SPPL3: variants seen among roughly 807,000 people sequenced by gnomAD.
SPPL3 encodes signal peptide peptidase like 3.
A neutral mutation model predicts 42.4 loss-of-function variants in SPPL3; 5 were observed. The observed-to-expected ratio is 0.12, with a 90% CI of 0.06 to 0.25. The LOEUF (loss-of-function observed/expected upper bound fraction) is 0.25, where lower values mean the gene tolerates loss of function less well. Among genes scored for constraint, SPPL3 ranks in the 10% least tolerant of loss-of-function variants. The pLI is 1.00. For missense variants in SPPL3, 235 were observed against 489.0 expected (o/e 0.48, Z 4.90); for synonymous variants, 195 against 181.8 (o/e 1.07, Z -0.58).
intron 6 of SPPL3, among the ~76,000 whole-genome samples, chr12:120,778,160 A>G (rs1405856636): frequency 9.5e-6 from 1 of 105,770 alleles, no homozygotes; most frequent in Non-Finnish European, 1.7e-5. Flanking sequence ...TCTGTTGCCC[A>G]GGCTGGAGTG....
intron 1 of SPPL3, among the ~76,000 whole-genome samples, chr12:120,841,660 C>T (rs1389166649): frequency 2.0e-5 from 3 of 152,240 alleles, no homozygotes; most frequent in South Asian, 2.1e-4. Context: ...TGAAACAAAA[C>T]GTATTAATTG....
intron 1 of SPPL3, among the ~76,000 whole-genome samples, chr12:120,838,255 C>T (rs1871688526): frequency 6.6e-6 from 1 of 152,254 alleles, no homozygotes; most frequent in East Asian, 1.9e-4. Context: ...GCAGTGAATG[C>T]ATATTTATTT....
At chr12:120,894,151 C>G (rs1315002318) in intron 1 of SPPL3, among the ~76,000 whole-genome samples, 1 of 152,044 alleles carries the variant, frequency 6.6e-6, no homozygotes, top group Non-Finnish European at 1.5e-5. Flanking sequence ...ATGGAGAAAC[C>G]CCGTCTCTAC....
chr12:120,789,379 G>A (rs7960784), intron 3 of SPPL3, among the ~76,000 whole-genome samples: 35,147 of 145,690 alleles, frequency 0.24, 5,258 homozygotes, highest in African/African-American at 0.42. Flanking sequence ...ACTTGAACCC[G>A]GGAGGCGGAG....
intron 6 of SPPL3, among the ~76,000 whole-genome samples, chr12:120,775,901 T>TA (rs201928976): frequency 1.5e-3 from 226 of 148,310 alleles, no homozygotes; most frequent in Non-Finnish European, 2.6e-3. Context: ...AAACACTAAT[T>TA]AAAAAAAAAA....
rs113924060 is a variant in SPPL3 at position 120,763,251 on chromosome 12, A to T, written c.*1748T>A. ...AAAGGCTACAAAGGAGTCATTTATT[A>T]AAAACAAAACCCCAGAAACCCCTCA... On this transcript the variant is annotated 3_prime_UTR_variant, in exon 11 of 11. Transcript: ENST00000353487. 0.042 allele frequency: 6,383 copies of T among 152,474 alleles called. 184 individuals are homozygous for T. Among genetic ancestry groups the T allele is most frequent in the South Asian group, 0.11 (550 of 4,824 alleles). The allele number at this position is 152,474 out of a possible 1,614,324, so 9.4% of individuals were successfully genotyped here. A position where few individuals can be genotyped will look rare whatever the true frequency, so the allele number is the denominator to read the frequency against.
chr12:120,781,105 G>A (rs940002790), intron 6 of SPPL3, among the ~76,000 whole-genome samples: 1 of 152,096 alleles, frequency 6.6e-6, no homozygotes, highest in African/African-American at 2.4e-5. Context: ...GTTGTTCTGA[G>A]GATTAAAAGA....
At chr12:120,898,041 G>C (rs974802474) in intron 1 of SPPL3, among the ~76,000 whole-genome samples, 2 of 152,180 alleles carry the variant, frequency 1.3e-5, no homozygotes, top group Non-Finnish European at 2.9e-5. Flanking sequence ...GCCAGGCGCA[G>C]TGGCTCATGC....
chr12:120,808,026 T>C (rs1435522508), intron 2 of SPPL3, among the ~76,000 whole-genome samples: 4 of 152,050 alleles, frequency 2.6e-5, no homozygotes, highest in African/African-American at 9.6e-5. Context: ...AGTGGTTGCA[T>C]AATCTTTGTC....
At chr12:120,830,646 G>T (rs908958690) in intron 1 of SPPL3, among the ~76,000 whole-genome samples, 6 of 145,096 alleles carry the variant, frequency 4.1e-5, no homozygotes, top group African/African-American at 1.5e-4. Context: ...AGGGTGGTGA[G>T]GAATTCAGTT....
intron 2 of SPPL3, among the ~76,000 whole-genome samples, chr12:120,792,189 A>C (rs1869939507): frequency 6.6e-6 from 1 of 152,214 alleles, no homozygotes; most frequent in African/African-American, 2.4e-5. Context: ...GAAATTTTAG[A>C]CAGGATGAAC....
chr12:120,819,485 A>G (rs1271935999), intron 1 of SPPL3, among the ~76,000 whole-genome samples: 1 of 152,238 alleles, frequency 6.6e-6, no homozygotes, highest in Admixed American at 6.5e-5. Context: ...CTCAAATTTT[A>G]TCATTGATAA....
chr12:120,862,839 AC>A (rs1872650227), intron 1 of SPPL3, among the ~76,000 whole-genome samples: 1 of 151,778 alleles, frequency 6.6e-6, no homozygotes, highest in Non-Finnish European at 1.5e-5. Flanking sequence ...TATATTTCCA[AC>A]CCTCTATTGG....
At chr12:120,850,363 G>T (rs1223869311) in intron 1 of SPPL3, among the ~76,000 whole-genome samples, 1 of 152,018 alleles carries the variant, frequency 6.6e-6, no homozygotes, top group Non-Finnish European at 1.5e-5. Flanking sequence ...CACCACAGAA[G>T]TTTATGCCGC....
chr12:120,873,050 G>C (rs754620436), intron 1 of SPPL3, among the ~76,000 whole-genome samples: 4 of 152,160 alleles, frequency 2.6e-5, no homozygotes, highest in Admixed American at 6.5e-5. Flanking sequence ...AATGGAATTA[G>C]AACACAAGGA....
chr12:120,860,560 C>T (rs953565809), intron 1 of SPPL3, among the ~76,000 whole-genome samples: 1 of 152,064 alleles, frequency 6.6e-6, no homozygotes, highest in African/African-American at 2.4e-5. Flanking sequence ...CTCATTATAG[C>T]AATTTGGTAA....
At chr12:120,783,059 T>A (rs2136978748) in intron 5 of SPPL3, among the ~76,000 whole-genome samples, 1 of 152,322 alleles carries the variant, frequency 6.6e-6, no homozygotes, top group East Asian at 1.9e-4. Context: ...ATTCTATTCT[T>A]ATGAGGAAAA....
rs141966445 is a variant in SPPL3, at chr12:120,785,854, G to A, written c.191-1261C>T. On this transcript the variant is annotated intron_variant, in intron 3 of 10. Transcript: ENST00000353487. ...AAATTAGGCATGTTATCTTGAGCCTGTAGTTCCAGCTACTTGGGAGGCTGA... is the reference window on the plus strand; with the variant it reads ...AAATTAGGCATGTTATCTTGAGCCTATAGTTCCAGCTACTTGGGAGGCTGA... Among the ~76,000 whole-genome samples the A allele has an allele frequency of 3.4e-3, 493 of 143,390 alleles. 4 individuals carry two copies. Among genetic ancestry groups the A allele is most frequent in the Middle Eastern group, 0.014 (4 of 282 alleles). 94.1% of individuals were successfully genotyped at this position (143,390 alleles called of 152,430 possible). A position where few individuals can be genotyped will look rare whatever the true frequency, so the allele number is the denominator to read the frequency against.
rs538963586 is a variant in SPPL3 at position 120,836,176 on chromosome 12, G to T, written c.24-25290C>A. Among the ~76,000 whole-genome samples the T allele has an allele frequency of 1.3e-4, 19 of 151,998 alleles. No individual in the cohort carries two copies. The South Asian group carries it at 3.5e-3, about 28-fold the overall frequency. ...ATATATCTGCTACTCTTCCCACCAA[G>T]AAGGGGAGTCTATTTCCCCTCCCCT... On this transcript the variant is annotated intron_variant, in intron 1 of 10. Coordinates refer to ENST00000353487, the MANE Select transcript of SPPL3 (RefSeq NM_139015.5).
Sources: allele counts gnomAD v4.1 joint callset (sites outside exome capture counted in the v4.1 genomes callset), GRCh38; gene constraint gnomAD v4.1.1; transcripts MANE v1.5; gene names NCBI Gene and HGNC (gene_info 2026-07-23, HGNC 2026-07-21).